Variants in SPATA6 observed in about 807,000 individuals in gnomAD.
SPATA6 encodes spermatogenesis associated 6.
In SPATA6, 56 loss-of-function variants were observed where a neutral mutation model predicts 65.3. That is an observed-to-expected ratio of 0.86 (90% CI 0.69 to 1.07). The LOEUF (loss-of-function observed/expected upper bound fraction) is 1.07. Ranked by LOEUF, SPATA6 falls within the 50% of genes least tolerant of loss-of-function variation. SPATA6 has a pLI of 0.00. For synonymous variants in SPATA6, 199 were observed against 213.2 expected, an observed-to-expected ratio of 0.93 and a Z score of 0.58; for missense variants, 590 against 594.8, an observed-to-expected ratio of 0.99 and a Z score of 0.08.
At chr1:48,471,882 G>C in intron 1 of SPATA6, 76 bp downstream of exon 1, 1 of 1,534,442 alleles carries the variant, frequency 6.5e-7, no homozygotes, top group Non-Finnish European at 8.9e-7. Context: ...GTTTGGGGGT[G>C]GTTCCGGGCT....
rs766027622 is a variant in SPATA6 at position 48,381,251 on chromosome 1, A to G, written c.909+4058T>C. Among the ~76,000 whole-genome samples, 122 of 152,112 alleles carry G rather than the reference A, an allele frequency of 8.0e-4. 1 individual carries two copies. The highest frequency in any genetic ancestry group is 1.2e-3 in the Admixed American group (18 of 15,278). ...GCTATACAGGAAGAGCCCTATCTAT[A>G]TAAGTGTTATATTCATAGTCTATAC... On this transcript the variant is annotated intron_variant, in intron 9 of 12. Transcript: ENST00000371847.
At chr1:48,350,518 T>A (rs1409785859) in intron 11 of SPATA6, among the ~76,000 whole-genome samples, 2 of 151,888 alleles carry the variant, frequency 1.3e-5, no homozygotes, top group African/African-American at 4.8e-5. Flanking sequence ...TTTTCTACTA[T>A]GTTTTCCTCT....
chr1:48,277,479 T>C, the SPATA6 span, among the ~76,000 whole-genome samples: 1 of 152,220 alleles, frequency 6.6e-6, no homozygotes, highest in Non-Finnish European at 1.5e-5. Context: ...CCCACCCCAA[T>C]ACTGCGCTTT....
intron 9 of SPATA6, among the ~76,000 whole-genome samples, chr1:48,379,755 T>C (rs1350447923): frequency 6.6e-6 from 1 of 151,820 alleles, no homozygotes; most frequent in Non-Finnish European, 1.5e-5. Context: ...TAAAGCCACT[T>C]TCTCTTCTTT....
the SPATA6 span, among the ~76,000 whole-genome samples, chr1:48,276,536 T>C: frequency 6.6e-6 from 1 of 152,234 alleles, no homozygotes; most frequent in Non-Finnish European, 1.5e-5. Context: ...ATGTTGTGTC[T>C]TTGTTCTTAT....
chr1:48,336,268 C>A (rs1430666879), intron 11 of SPATA6, among the ~76,000 whole-genome samples: 1 of 152,056 alleles, frequency 6.6e-6, no homozygotes, highest in East Asian at 1.9e-4. Context: ...ACCCAGCAAT[C>A]CCATGCCTGG....
At chr1:48,287,402 T>C in the SPATA6 span, among the ~76,000 whole-genome samples, 1 of 152,196 alleles carries the variant, frequency 6.6e-6, no homozygotes, top group South Asian at 2.1e-4. Flanking sequence ...ACATCCAAAC[T>C]ATATTATGTT....
At chr1:48,268,898 G>C in the SPATA6 span, among the ~76,000 whole-genome samples, 2 of 152,114 alleles carry the variant, frequency 1.3e-5, no homozygotes, top group African/African-American at 4.8e-5. Flanking sequence ...TATTTATCAG[G>C]TACAGTCTAG....
chr1:48,294,490 T>C (rs1310073141), downstream of SPATA6, among the ~76,000 whole-genome samples: 3 of 152,332 alleles, frequency 2.0e-5, no homozygotes, highest in East Asian at 5.8e-4. Context: ...GTGCCTATTA[T>C]GGTCACATAT....
rs547513610 is a variant in SPATA6, at chr1:48,367,803, G to A, written c.910-8033C>T. Among the ~76,000 whole-genome samples, 3 of 152,242 alleles carry A rather than the reference G, an allele frequency of 2.0e-5. No individual in the cohort carries two copies. In the South Asian group the frequency reaches 6.2e-4, roughly 32 times the overall value. On this transcript the variant is annotated intron_variant, in intron 9 of 12. Transcript: ENST00000371847. ...AGCATTTAGTCCATTTACATTTAAAGTTAATATTGTTATGTGTGAATTTGA... is the reference window on the plus strand; with the variant it reads ...AGCATTTAGTCCATTTACATTTAAAATTAATATTGTTATGTGTGAATTTGA...
intron 11 of SPATA6, among the ~76,000 whole-genome samples, chr1:48,351,293 C>T (rs370869817): frequency 7.9e-5 from 12 of 152,048 alleles, no homozygotes; most frequent in African/African-American, 1.2e-4. Context: ...AATACAGTTA[C>T]GTTTCTTCCT....
intron 9 of SPATA6, among the ~76,000 whole-genome samples, chr1:48,364,795 T>G (rs1049371103): frequency 6.6e-6 from 1 of 152,250 alleles, no homozygotes; most frequent in African/African-American, 2.4e-5. Flanking sequence ...AGAAGCTCTT[T>G]AGTTTAATTA....
At chr1:48,437,074 A>G in intron 3 of SPATA6, 7 of 1,599,088 alleles carry the variant, frequency 4.4e-6, no homozygotes, top group Non-Finnish European at 6.0e-6. Flanking sequence ...TGTTTTCTTC[A>G]AACAGATGAA....
At chr1:48,463,641 A>G (rs1657604785) in intron 1 of SPATA6, among the ~76,000 whole-genome samples, 1 of 152,210 alleles carries the variant, frequency 6.6e-6, no homozygotes, top group African/African-American at 2.4e-5. Flanking sequence ...TTGGCCAAAA[A>G]GAAGAAGGAA....
rs563758157 is a variant in SPATA6, at chr1:48,464,615, A to G, written c.51+7343T>C. Among the ~76,000 whole-genome samples, 24 of 152,322 alleles carry G rather than the reference A, an allele frequency of 1.6e-4. No individual in the cohort carries two copies. In the South Asian group the frequency reaches 4.8e-3, roughly 30 times the overall value. On this transcript the variant is annotated intron_variant, in intron 1 of 12. Transcript: ENST00000371847. ...AAAAAGGGCTATTGCCTCATAAACC[A>G]CAAGGATAAACTCCCACAAATTGGT...
intron 11 of SPATA6, among the ~76,000 whole-genome samples, chr1:48,312,171 C>A (rs1398449848): frequency 6.6e-6 from 1 of 152,206 alleles, no homozygotes; most frequent in Non-Finnish European, 1.5e-5. Flanking sequence ...GCAGCAGAAA[C>A]CTCTGCAGAC....
intron 1 of SPATA6, among the ~76,000 whole-genome samples, chr1:48,456,501 A>C (rs111939516): frequency 1.3e-5 from 2 of 149,214 alleles, no homozygotes; most frequent in East Asian, 4.1e-4. Context: ...TACATGGGGG[A>C]AAAAAAAAAG....
intron 5 of SPATA6, among the ~76,000 whole-genome samples, chr1:48,405,569 G>T (rs59893911): frequency 0.025 from 3,766 of 152,156 alleles, 102 homozygotes; most frequent in African/African-American, 0.067. Context: ...CTAGCTTTTG[G>T]CAAGAACATT....
chr1:48,371,948 C>A (rs186960768), intron 9 of SPATA6, among the ~76,000 whole-genome samples: 2 of 152,174 alleles, frequency 1.3e-5, no homozygotes, highest in Non-Finnish European at 2.9e-5. Flanking sequence ...GAAAGACAGG[C>A]CCCCATGATT....
Sources: allele counts gnomAD v4.1 joint callset (sites outside exome capture counted in the v4.1 genomes callset), GRCh38; gene constraint gnomAD v4.1.1; transcripts MANE v1.5; gene names NCBI Gene and HGNC (gene_info 2026-07-23, HGNC 2026-07-21).